The following MYBPC1 variants were observed in gnomAD, a reference collection of about 807,000 sequenced individuals.
MYBPC1 encodes the protein myosin binding protein C1, also known as myosin-binding protein C, slow-type.
MYBPC1 carries 52 observed loss-of-function variants against 147.1 expected under a neutral mutation model. That is an observed-to-expected ratio of 0.35 (90% CI 0.28 to 0.45). The LOEUF is 0.45. MYBPC1 is among the 20% of genes least tolerant of loss of function. The pLI is 1.00. For synonymous variants in MYBPC1, 477 were observed against 475.9 expected, an observed-to-expected ratio of 1.00 and a Z score of -0.03; for missense variants, 1,228 against 1,440.3, an observed-to-expected ratio of 0.85 and a Z score of 2.39.
At chr12:101,629,666 A>T (rs1336652783) in intron 6 of MYBPC1, 122 bp downstream of exon 6, 1 of 727,000 alleles carries the variant, frequency 1.4e-6, no homozygotes, top group Non-Finnish European at 2.4e-6. Context: ...TGAGCTCAGG[A>T]GTTCGAGACC....
intron 4 of MYBPC1, among the ~76,000 whole-genome samples, chr12:101,627,375 T>C (rs539942936): frequency 6.6e-6 from 1 of 152,180 alleles, no homozygotes; most frequent in East Asian, 1.9e-4. Flanking sequence ...CCTGAGTAGC[T>C]GGGATTACAG....
intron 21 of MYBPC1, among the ~76,000 whole-genome samples, chr12:101,663,209 A>G (rs1442221822): frequency 6.6e-6 from 1 of 152,122 alleles, no homozygotes; most frequent in African/African-American, 2.4e-5. Context: ...CGGCTTCTCA[A>G]TTTGGAAAAA....
At chr12:101,654,226 T>C (rs1312063006) in intron 18 of MYBPC1, among the ~76,000 whole-genome samples, 2 of 152,058 alleles carry the variant, frequency 1.3e-5, no homozygotes, top group Non-Finnish European at 2.9e-5. Context: ...TTTTTAATGT[T>C]AAAAATAAAA....
chr12:101,680,828 G>T (rs535732487), intron 29 of MYBPC1, among the ~76,000 whole-genome samples: 1 of 152,302 alleles, frequency 6.6e-6, no homozygotes, highest in Non-Finnish European at 1.5e-5. Context: ...TGTGTGTACA[G>T]CATGGTAAGA....
chr12:101,632,807 A>AACG (rs1890183511), intron 8 of MYBPC1, among the ~76,000 whole-genome samples: 1 of 152,086 alleles, frequency 6.6e-6, no homozygotes, highest in Non-Finnish European at 1.5e-5. Flanking sequence ...TTGGTTCACC[A>AACG]CAACTTCCAA....
downstream of MYBPC1, among the ~76,000 whole-genome samples, chr12:101,687,294 G>A (rs1435927950): frequency 5.3e-5 from 8 of 151,858 alleles, no homozygotes; most frequent in Admixed American, 3.3e-4. Flanking sequence ...TCATTGTTCA[G>A]CTCCCACCTA....
At chr12:101,634,151 C>T (rs1424540816) in intron 8 of MYBPC1, among the ~76,000 whole-genome samples, 1 of 152,130 alleles carries the variant, frequency 6.6e-6, no homozygotes, top group African/African-American at 2.4e-5. Flanking sequence ...CCGCCCGCCT[C>T]GGCCTCCCAA....
At position 101,668,966 on chromosome 12, in the gene MYBPC1, G is replaced by A. The variant is rs547621944; in HGVS notation, c.2524+1067G>A. Among the ~76,000 whole-genome samples, 8 of 152,062 alleles carry A rather than the reference G, an allele frequency of 5.3e-5. No individual in the cohort carries two copies. In the South Asian group the frequency reaches 1.7e-3, roughly 32 times the overall value. The stretch of plus-strand genomic sequence containing the variant: ...GCTGGGTGTGGTGGCACACGCCTGT[G>A]GTCCCAGCTACTCAGGAGGCTGAGG... On this transcript the variant is annotated intron_variant, in intron 23 of 31. Coordinates refer to ENST00000361466, the MANE Select transcript of MYBPC1 (RefSeq NM_002465.4).
Position 101,667,805 on chromosome 12 carries a change from T to G in MYBPC1, c.2430T>G (p.Asp810Glu), listed in dbSNP as rs144266484. 54 of 1,614,092 alleles carry G rather than the reference T, an allele frequency of 3.3e-5. No homozygotes were observed. The highest frequency in any genetic ancestry group is 4.4e-5 in the Non-Finnish European group (52 of 1,180,056). ...TKFTITGLPT[D>E]AKIFVRVKAV... ...TCACCATCACAGGTCTGCCAACAGA[T>G]GCAAAGATCTTTGTGCGTGTGAAGG... Residue 810 changes from aspartate to glutamate, a missense_variant, in exon 23 of 32, where the codon GAT becomes GAG. This residue lies in a region of MYBPC1 where 1,077 missense variants were observed against 1,314.2 expected (regional missense o/e 0.82). Transcript: ENST00000361466.
At chr12:101,660,104 A>C in intron 19 of MYBPC1, 1 of 460,904 alleles carries the variant, frequency 2.2e-6, no homozygotes, top group Non-Finnish European at 3.9e-6. Flanking sequence ...CCACATCACA[A>C]TCATTACAGA....
At chr12:101,647,102 T>C (rs927044362) in intron 13 of MYBPC1, 4 of 586,564 alleles carry the variant, frequency 6.8e-6, no homozygotes, top group African/African-American at 1.9e-5. Flanking sequence ...CCAAGCACTA[T>C]CTTGCAAAAA....
downstream of MYBPC1, among the ~76,000 whole-genome samples, chr12:101,689,018 T>C (rs565635989): frequency 6.6e-6 from 1 of 151,228 alleles, no homozygotes; most frequent in African/African-American, 2.4e-5. Context: ...ATTTATAATG[T>C]ATAAGACTAG....
intron 20 of MYBPC1, 136 bp downstream of exon 20, chr12:101,661,398 A>C (rs1159280157): frequency 1.5e-6 from 1 of 660,442 alleles, no homozygotes; most frequent in African/African-American, 1.8e-5. Context: ...ATTCAAAATG[A>C]AATATATATG....
chr12:101,667,657 GAC>G, intron 22 of MYBPC1, 73 bp from the exon 23 acceptor site: 1 of 1,540,296 alleles, frequency 6.5e-7, no homozygotes. Context: ...ATTTGGAGTT[GAC>G]TGTAATGGTT....
At chr12:101,690,296 ACT>A (rs1365990746), downstream of MYBPC1, among the ~76,000 whole-genome samples, 1 of 151,982 alleles carries the variant, frequency 6.6e-6, no homozygotes, top group African/African-American at 2.4e-5. Flanking sequence ...CATGCTCCAG[ACT>A]CTCTCTGTCT....
intron 10 of MYBPC1, among the ~76,000 whole-genome samples, chr12:101,641,298 G>A (rs983282460): frequency 5.3e-5 from 8 of 152,216 alleles, no homozygotes; most frequent in African/African-American, 1.9e-4. Flanking sequence ...AGCAGTCGTT[G>A]TAACATTTCT....
At chr12:101,597,120 A>C (rs1565866570) in intron 1 of MYBPC1, among the ~76,000 whole-genome samples, 1 of 152,220 alleles carries the variant, frequency 6.6e-6, no homozygotes, top group Non-Finnish European at 1.5e-5. Context: ...ACGGCAATTC[A>C]TGAACTATTC....
chr12:101,595,232 G>T, intron 1 of MYBPC1, 137 bp downstream of exon 1: 2 of 830,300 alleles, frequency 2.4e-6, no homozygotes, highest in Admixed American at 2.2e-5. Flanking sequence ...CGATCTTTTA[G>T]ATTAAACAGA....
At chr12:101,661,678 T>C (rs1291285483) in intron 20 of MYBPC1, among the ~76,000 whole-genome samples, 1 of 151,804 alleles carries the variant, frequency 6.6e-6, no homozygotes, top group African/African-American at 2.4e-5. Context: ...CACTTGAAGC[T>C]AGGAATTCGA....
Sources: gnomAD v4.1 joint callset for allele counts (sites outside exome capture counted in the v4.1 genomes callset) on GRCh38, gnomAD v4.1.1 for gene constraint, gnomAD v4.1.1 regional missense constraint, MANE v1.5 for transcripts, NCBI Gene and HGNC (gene_info 2026-07-23, HGNC 2026-07-21) for gene names.